The following CFDP1 variants were observed in gnomAD, a reference collection of about 807,000 sequenced individuals.
The protein encoded by CFDP1 is chromatin remodeling protein CFDP1, also known as heterochromatin-stabilizing protein CFDP1.
Under a neutral mutation model 40.1 loss-of-function variants are expected in CFDP1, and 31 were observed. The observed-to-expected ratio is 0.77, with a 90% CI of 0.58 to 1.04. The LOEUF is 1.04. CFDP1 is among the 50% of genes least tolerant of loss of function. The pLI is 0.00. For missense variants in CFDP1, 423 were observed against 343.4 expected, an observed-to-expected ratio of 1.23 and a Z score of -1.83; for synonymous variants, 167 against 120.0, an observed-to-expected ratio of 1.39 and a Z score of -2.56.
chr16:75,334,202 C>A (rs2078468702), intron 5 of CFDP1, among the ~76,000 whole-genome samples: 1 of 148,082 alleles, frequency 6.8e-6, no homozygotes, highest in African/African-American at 2.5e-5. Flanking sequence ...CTCGCAGCAC[C>A]CTAACCCTAA....
chr16:75,351,494 C>T (rs1022554372), intron 5 of CFDP1, among the ~76,000 whole-genome samples: 3 of 152,134 alleles, frequency 2.0e-5, no homozygotes, highest in Non-Finnish European at 4.4e-5. Flanking sequence ...AAATAACTAA[C>T]TAATTTGAAG....
At chr16:75,352,192 T>C (rs1412062064) in intron 5 of CFDP1, among the ~76,000 whole-genome samples, 1 of 151,286 alleles carries the variant, frequency 6.6e-6, no homozygotes, top group Non-Finnish European at 1.5e-5. Context: ...AATACAAAAA[T>C]AAGCCAGGCA....
At chr16:75,372,371 A>T (rs1323814905) in intron 5 of CFDP1, 1 of 152,194 alleles carries the variant, frequency 6.6e-6, no homozygotes, top group Non-Finnish European at 1.5e-5. Context: ...CACACCCACA[A>T]TTTCAAGACT....
At chr16:75,406,217 T>C (rs1396136455) in intron 4 of CFDP1, among the ~76,000 whole-genome samples, 2 of 150,910 alleles carry the variant, frequency 1.3e-5, no homozygotes, top group Non-Finnish European at 2.9e-5. Context: ...TCTAAAAAAA[T>C]AAAAACGAAT....
At chr16:75,417,094 C>T (rs1312778981) in intron 1 of CFDP1, among the ~76,000 whole-genome samples, 1 of 152,038 alleles carries the variant, frequency 6.6e-6, no homozygotes, top group African/African-American at 2.4e-5. Context: ...TCACTTGAAC[C>T]CAGGAGGTCA....
intron 5 of CFDP1, among the ~76,000 whole-genome samples, chr16:75,385,194 C>T (rs892578384): frequency 4.0e-5 from 6 of 151,700 alleles, no homozygotes; most frequent in Non-Finnish European, 4.4e-5. Flanking sequence ...TTATTCCAGG[C>T]CAAGGTAGTA....
rs1352270607 is a variant in CFDP1, at chr16:75,305,158, G to A, written c.675C>T (p.Ser225=). The A allele has an allele frequency of 6.2e-7, 1 of 1,614,052 alleles. No individual in the cohort carries two copies. The highest frequency in any genetic ancestry group is 8.5e-7 in the Non-Finnish European group (1 of 1,179,996). ...GSGLKRSSGM[S]SLLGKIGAKK... is the part of the protein sequence containing the mutation. ...TGGCACCAATTTTCCCCAAAAGGCTGCTCATGCCACTTGATCTTTTTAACC... is the reference window on the plus strand; with the variant it reads ...TGGCACCAATTTTCCCCAAAAGGCTACTCATGCCACTTGATCTTTTTAACC... Residue 225 remains serine (S), a synonymous_variant, in exon 6 of 7, where the codon AGC becomes AGT. Transcript: ENST00000283882.
chr16:75,427,655 C>T (rs561884829), intron 1 of CFDP1, among the ~76,000 whole-genome samples: 4 of 152,170 alleles, frequency 2.6e-5, no homozygotes, highest in African/African-American at 9.6e-5. Flanking sequence ...TTGTTACCAA[C>T]AGCAATCAAG....
chr16:75,427,263 T>A (rs1431871265), intron 1 of CFDP1, among the ~76,000 whole-genome samples: 1 of 152,038 alleles, frequency 6.6e-6, no homozygotes, highest in Non-Finnish European at 1.5e-5. Context: ...TTTTTCTTTT[T>A]TTTTCGAGAC....
chr16:75,412,043 T>A, intron 3 of CFDP1, 91 bp from the exon 4 acceptor site: 1 of 1,325,026 alleles, frequency 7.5e-7, no homozygotes, highest in Non-Finnish European at 1.0e-6. Context: ...TGAGATAGCG[T>A]CTCACTCTGT....
In CFDP1 at chr16:75,379,181, T is replaced by TA. The variant is rs201576474; in HGVS notation, c.650+15908dup. On this transcript the variant is annotated intron_variant, in intron 5 of 6. Coordinates refer to ENST00000283882, the MANE Select transcript of CFDP1 (RefSeq NM_006324.3). ...CTAAGCTCCAACTTCAAGAATCTAG[T>TA]AAAAAAAAAGAGCAATATATAGGCA... Among the ~76,000 whole-genome samples, 1,387 of 147,202 alleles carry TA rather than the reference T, an allele frequency of 9.4e-3. 15 individuals are homozygous for TA. Among genetic ancestry groups the TA allele is most frequent in the African/African-American group, 0.032 (1,270 of 39,968 alleles).
chr16:75,406,296 C>T (rs906813542), intron 4 of CFDP1, among the ~76,000 whole-genome samples: 5 of 151,866 alleles, frequency 3.3e-5, no homozygotes, highest in African/African-American at 1.2e-4. Flanking sequence ...AGGATTTCTT[C>T]AGCCTGGGAG....
At chr16:75,389,994 C>G (rs1246639512) in intron 5 of CFDP1, among the ~76,000 whole-genome samples, 1 of 152,236 alleles carries the variant, frequency 6.6e-6, no homozygotes, top group African/African-American at 2.4e-5. Flanking sequence ...TAAACACGTA[C>G]ATTTTCACGT....
intron 4 of CFDP1, among the ~76,000 whole-genome samples, chr16:75,400,295 CAA>C (rs2079039743): frequency 1.3e-5 from 2 of 151,452 alleles, no homozygotes; most frequent in Non-Finnish European, 2.9e-5. Context: ...AAAAACAAAA[CAA>C]AACAAAAAAG....
At chr16:75,331,153 G>A (rs1311733315) in intron 5 of CFDP1, among the ~76,000 whole-genome samples, 5 of 152,132 alleles carry the variant, frequency 3.3e-5, no homozygotes, top group East Asian at 1.9e-4. Flanking sequence ...ATCAGAATTC[G>A]TGCAATGACA....
chr16:75,307,241 G>A (rs368003166), intron 5 of CFDP1, among the ~76,000 whole-genome samples: 11 of 151,826 alleles, frequency 7.2e-5, no homozygotes, highest in African/African-American at 2.7e-4. Context: ...TTGAGACGGA[G>A]TTTCTCTCTT....
chr16:75,414,102 G>A (rs2079184639), intron 2 of CFDP1, among the ~76,000 whole-genome samples: 2 of 151,850 alleles, frequency 1.3e-5, no homozygotes, highest in South Asian at 2.1e-4. Flanking sequence ...TTCACATAAC[G>A]TAATACTATG....
At chr16:75,404,888 C>A (rs2079085608) in intron 4 of CFDP1, among the ~76,000 whole-genome samples, 1 of 152,162 alleles carries the variant, frequency 6.6e-6, no homozygotes, top group South Asian at 2.1e-4. Flanking sequence ...GCGCGCTGGA[C>A]TTCTAGACTG....
At chr16:75,382,844 T>C (rs1021215128) in intron 5 of CFDP1, among the ~76,000 whole-genome samples, 1 of 151,592 alleles carries the variant, frequency 6.6e-6, no homozygotes, top group African/African-American at 2.4e-5. Flanking sequence ...TCTTCTCCTT[T>C]TGTTTCCACT....
Sources: gnomAD v4.1 joint callset for allele counts (sites outside exome capture counted in the v4.1 genomes callset) on GRCh38, gnomAD v4.1.1 for gene constraint, MANE v1.5 for transcripts, NCBI Gene and HGNC (gene_info 2026-07-23, HGNC 2026-07-21) for gene names.